CFAP100: variants seen among roughly 807,000 people sequenced by gnomAD.
The protein encoded by CFAP100 is cilia and flagella associated protein 100.
Under a neutral mutation model 81.5 loss-of-function variants are expected in CFAP100, and 70 were observed. That is an observed-to-expected ratio of 0.86 (90% CI 0.71 to 1.05). The LOEUF (loss-of-function observed/expected upper bound fraction) is 1.05. Among genes scored for constraint, CFAP100 ranks in the 50% least tolerant of loss-of-function variants. CFAP100 has a pLI of 0.00. For synonymous variants in CFAP100, 341 were observed against 314.8 expected, an observed-to-expected ratio of 1.08 and a Z score of -0.88; for missense variants, 811 against 776.5, an observed-to-expected ratio of 1.04 and a Z score of -0.53.
At chr3:126,404,886 G>A (rs2083040850) in intron 2 of CFAP100, among the ~76,000 whole-genome samples, 1 of 152,074 alleles carries the variant, frequency 6.6e-6, no homozygotes, top group Non-Finnish European at 1.5e-5. Context: ...TGTTGGCCAG[G>A]ATGGTCTCGA....
At chr3:126,427,210 G>A (rs1395975306) in intron 13 of CFAP100, among the ~76,000 whole-genome samples, 1 of 152,158 alleles carries the variant, frequency 6.6e-6, no homozygotes, top group African/African-American at 2.4e-5. Context: ...CACTGAAGAT[G>A]AACAAGAAAA....
chr3:126,423,428 T>G, intron 12 of CFAP100, 52 bp downstream of exon 12: 1 of 1,605,716 alleles, frequency 6.2e-7, no homozygotes, highest in Middle Eastern at 1.7e-4. Flanking sequence ...TCTCTTTCCC[T>G]GCCCCCACCC....
chr3:126,413,785 C>A (rs984877944), intron 3 of CFAP100, among the ~76,000 whole-genome samples: 2 of 152,244 alleles, frequency 1.3e-5, no homozygotes, highest in African/African-American at 4.8e-5. Context: ...ATAAGGGAGA[C>A]TCCAGAGGCC....
rs186033776 is a variant in CFAP100, at chr3:126,428,881, T to C, written c.1287-4188T>C. The stretch of plus-strand genomic sequence containing the variant: ...CAGCACTTTGGGAGGCCGAGGTAGG[T>C]GGATCATCTGAGGTCAGGAGTTCGA... On this transcript the variant is annotated intron_variant, in intron 13 of 16. Transcript: ENST00000352312. Among the ~76,000 whole-genome samples, 1,034 of 151,932 alleles carry C rather than the reference T, an allele frequency of 6.8e-3. 12 individuals carry two copies. Among genetic ancestry groups the C allele is most frequent in the African/African-American group, 0.022 (906 of 41,448 alleles).
intron 11 of CFAP100, among the ~76,000 whole-genome samples, chr3:126,422,017 CG>C: frequency 6.6e-6 from 1 of 152,238 alleles, no homozygotes; most frequent in Non-Finnish European, 1.5e-5. Context: ...AGAACAGAGT[CG>C]GGGATCACAC....
chr3:126,415,413 C>T lies in CFAP100; in HGVS notation c.226-903C>T, dbSNP rs536112972. Among the ~76,000 whole-genome samples the T allele has an allele frequency of 1.1e-3, 165 of 151,840 alleles. 1 individual carries two copies. The highest frequency in any genetic ancestry group is 3.7e-3 in the African/African-American group (153 of 41,400). ...ACCCTCCCCCACCCAGCATCCACCA[C>T]TCACAACCTCCCCCTCCCGACAGGG... On this transcript the variant is annotated intron_variant, in intron 4 of 16. Coordinates refer to ENST00000352312, the MANE Select transcript of CFAP100 (RefSeq NM_182628.3).
chr3:126,416,883 CGTT>C (rs2083252747), intron 5 of CFAP100: 2 of 164,114 alleles, frequency 1.2e-5, no homozygotes, highest in Admixed American at 1.3e-4. Flanking sequence ...TTTTATTAGT[CGTT>C]ATTGTTTATC....
chr3:126,434,498 C>T, intron 15 of CFAP100, 117 bp downstream of exon 15: 1 of 988,270 alleles, frequency 1.0e-6, no homozygotes, highest in South Asian at 1.7e-5. Flanking sequence ...CTGCTCTGTG[C>T]TATGAGAGAC....
intron 13 of CFAP100, among the ~76,000 whole-genome samples, chr3:126,427,311 A>G (rs1932990228): frequency 6.6e-6 from 1 of 152,260 alleles, no homozygotes; most frequent in African/African-American, 2.4e-5. Flanking sequence ...AGTGAAATAG[A>G]TAATTGGAAT....
chr3:126,425,691 A>G (rs906580803), intron 13 of CFAP100, among the ~76,000 whole-genome samples: 1 of 152,218 alleles, frequency 6.6e-6, no homozygotes. Context: ...ATTGAATCCA[A>G]CAGTATAGGA....
At chr3:126,416,675 C>A in intron 5 of CFAP100, 167 bp downstream of exon 5, 1 of 562,522 alleles carries the variant, frequency 1.8e-6, no homozygotes, top group Non-Finnish European at 3.1e-6. Context: ...CCAGGGGGGT[C>A]CCAAAGCTCT....
In CFAP100 at chr3:126,418,893, C is replaced by G; in HGVS notation, c.650+119C>G. ...GCCCCTGCAACTCCTCTGGAAGCACCAGGGCCGGTCGGGAGCCAAGGGCAG... is the reference window on the plus strand; with the variant it reads ...GCCCCTGCAACTCCTCTGGAAGCACGAGGGCCGGTCGGGAGCCAAGGGCAG... On this transcript the variant is annotated intron_variant, in intron 7 of 16. Coordinates refer to ENST00000352312, the MANE Select transcript of CFAP100 (RefSeq NM_182628.3). The G allele has an allele frequency of 3.1e-6, 4 of 1,303,024 alleles. No homozygotes were observed. In the Admixed American group the frequency reaches 8.2e-5, roughly 27 times the overall value. 80.7% of individuals were successfully genotyped at this position (1,303,024 alleles called of 1,614,324 possible). A position where few individuals can be genotyped will look rare whatever the true frequency, so the allele number is the denominator to read the frequency against.
chr3:126,423,014 A>G (rs13083581), intron 11 of CFAP100, among the ~76,000 whole-genome samples: 55,272 of 152,072 alleles, frequency 0.36, 10,194 homozygotes, highest in East Asian at 0.43. Flanking sequence ...AGTGCAGTGG[A>G]GCTGGGATGG....
intron 4 of CFAP100, among the ~76,000 whole-genome samples, chr3:126,416,008 A>C (rs1303293913): frequency 6.6e-6 from 1 of 152,170 alleles, no homozygotes; most frequent in African/African-American, 2.4e-5. Flanking sequence ...GCTCTCACTT[A>C]AATGTGGATT....
Position 126,418,790 on chromosome 3 carries a change from C to A in CFAP100, c.650+16C>A. The A allele has an allele frequency of 6.4e-7, 1 of 1,566,990 alleles. No individual in the cohort carries two copies. The highest frequency in any genetic ancestry group is 8.6e-7 in the Non-Finnish European group (1 of 1,161,216). ...CCATGAGAGCGTGAGCCTGCGGGCC[C>A]GAGGGGCTGGCTGGGCAATGCCGAA... is the stretch of plus-strand genomic sequence containing the variant. On this transcript the variant is annotated intron_variant, in intron 7 of 16. Coordinates refer to ENST00000352312, the MANE Select transcript of CFAP100 (RefSeq NM_182628.3).
At chr3:126,406,308 A>G (rs1475768906) in intron 2 of CFAP100, among the ~76,000 whole-genome samples, 1 of 152,120 alleles carries the variant, frequency 6.6e-6, no homozygotes, top group Non-Finnish European at 1.5e-5. Flanking sequence ...CCTTGGTATC[A>G]TAGCCCCACC....
intron 2 of CFAP100, among the ~76,000 whole-genome samples, chr3:126,402,104 G>T (rs1218623203): frequency 6.6e-6 from 1 of 152,218 alleles, no homozygotes; most frequent in Non-Finnish European, 1.5e-5. Flanking sequence ...GGCATCCCCA[G>T]CCACACCTGA....
intron 5 of CFAP100, chr3:126,418,026 GCCCAGTT>G: frequency 5.7e-6 from 1 of 175,948 alleles, no homozygotes; most frequent in South Asian, 1.3e-4. Context: ...CTCAGCCTCT[GCCCAGTT>G]TGCTCGGGGG....
At chr3:126,417,673 T>C (rs1162762035) in intron 5 of CFAP100, among the ~76,000 whole-genome samples, 2 of 152,234 alleles carry the variant, frequency 1.3e-5, no homozygotes, top group Non-Finnish European at 2.9e-5. Context: ...CTGGGTCTCC[T>C]GCAGGGGTAG....
Sources: allele counts gnomAD v4.1 joint callset (sites outside exome capture counted in the v4.1 genomes callset), GRCh38; gene constraint gnomAD v4.1.1; transcripts MANE v1.5; gene names NCBI Gene and HGNC (gene_info 2026-07-23, HGNC 2026-07-21).